Variants in TPP2 observed in about 807,000 individuals in gnomAD.
The protein encoded by TPP2 is tripeptidyl peptidase 2.
Under a neutral mutation model 155.9 loss-of-function variants are expected in TPP2, and 34 were observed. The ratio of observed to expected loss-of-function variants is 0.22; its 90% confidence interval spans 0.17 to 0.29. The LOEUF is 0.29. TPP2 is among the 10% of genes least tolerant of loss of function. The probability of loss-of-function intolerance (pLI) is 1.00; values close to 1 mark genes in which losing one functional copy is unlikely to be tolerated. For missense variants in TPP2, 1,028 were observed against 1,522.3 expected (o/e 0.68, Z 5.40); for synonymous variants, 510 against 529.4 (o/e 0.96, Z 0.50).
chr13:102,607,091 A>G (rs1010018339), intron 2 of TPP2, among the ~76,000 whole-genome samples: 1 of 152,226 alleles, frequency 6.6e-6, no homozygotes, highest in African/African-American at 2.4e-5. Flanking sequence ...TCTGTAAGCC[A>G]GGAAGAGGGC....
At chr13:102,675,109 A>C (rs1422934744) in intron 28 of TPP2, among the ~76,000 whole-genome samples, 1 of 152,204 alleles carries the variant, frequency 6.6e-6, no homozygotes, top group Non-Finnish European at 1.5e-5. Context: ...AAGTAAATGG[A>C]GTCAGTAGGA....
chr13:102,630,061 GTTTTC>G, intron 9 of TPP2, 30 bp from the exon 10 acceptor site: 1 of 1,585,260 alleles, frequency 6.3e-7, no homozygotes, highest in Non-Finnish European at 8.6e-7. Flanking sequence ...ATCCCCGTTT[GTTTTC>G]TTTTCTTAAT....
At chr13:102,630,572 A>T (rs977138483) in intron 10 of TPP2, among the ~76,000 whole-genome samples, 1 of 152,180 alleles carries the variant, frequency 6.6e-6, no homozygotes, top group Admixed American at 6.5e-5. Flanking sequence ...ATAAAGCATC[A>T]CAGTCATAGG....
chr13:102,672,231 C>G (rs1194468196), intron 27 of TPP2, among the ~76,000 whole-genome samples: 2 of 152,122 alleles, frequency 1.3e-5, no homozygotes, highest in Non-Finnish European at 2.9e-5. Flanking sequence ...TCCCCCTAAG[C>G]CAGTGATGCT....
intron 24 of TPP2, among the ~76,000 whole-genome samples, chr13:102,652,446 ATATAT>A (rs1883578474): frequency 9.7e-5 from 5 of 51,434 alleles, no homozygotes; most frequent in Admixed American, 1.8e-4. Context: ...ATATATATAT[ATATAT>A]ATAAAAGGGA....
At chr13:102,660,937 A>G (rs1300158767) in intron 25 of TPP2, among the ~76,000 whole-genome samples, 4 of 152,220 alleles carry the variant, frequency 2.6e-5, no homozygotes, top group South Asian at 4.1e-4. Context: ...GGATAGCCAT[A>G]TAGAAAAAGA....
At chr13:102,602,378 A>T (rs1329033875) in intron 1 of TPP2, among the ~76,000 whole-genome samples, 1 of 151,732 alleles carries the variant, frequency 6.6e-6, no homozygotes, top group East Asian at 1.9e-4. Context: ...TCCCACAGTG[A>T]TTTTTTTTAA....
intron 12 of TPP2, among the ~76,000 whole-genome samples, 174 bp from the exon 13 acceptor site, chr13:102,636,050 T>G (rs1351005624): frequency 6.6e-6 from 1 of 152,174 alleles, no homozygotes; most frequent in Non-Finnish European, 1.5e-5. Flanking sequence ...GTGACTGGTG[T>G]TGTTTCTAAA....
intron 16 of TPP2, among the ~76,000 whole-genome samples, chr13:102,640,587 T>C (rs1010058238): frequency 3.3e-5 from 5 of 151,876 alleles, no homozygotes; most frequent in Non-Finnish European, 7.4e-5. Context: ...TCTTAAGATG[T>C]TTTTAATATT....
At chr13:102,614,615 T>G (rs956041524) in intron 3 of TPP2, among the ~76,000 whole-genome samples, 3 of 152,050 alleles carry the variant, frequency 2.0e-5, no homozygotes, top group African/African-American at 7.3e-5. Context: ...TTAACTAGCC[T>G]TCTTGCTCCC....
intron 7 of TPP2, among the ~76,000 whole-genome samples, chr13:102,627,609 T>G (rs1434198786): frequency 6.6e-6 from 1 of 151,520 alleles, no homozygotes; most frequent in Non-Finnish European, 1.5e-5. Context: ...CCCCACTCTT[T>G]TCTAGAAATG....
At chr13:102,618,946 C>T (rs533971673) in intron 5 of TPP2, 100 bp downstream of exon 5, 167 of 1,382,842 alleles carry the variant, frequency 1.2e-4, no homozygotes, top group Non-Finnish European at 1.4e-4. Context: ...TTGGTTTATT[C>T]GTGATATCAC....
intron 27 of TPP2, among the ~76,000 whole-genome samples, chr13:102,666,581 G>A (rs983527647): frequency 5.3e-5 from 8 of 151,910 alleles, no homozygotes; most frequent in African/African-American, 4.8e-5. Flanking sequence ...TCTAGCTTTT[G>A]TTATTTTTTA....
intron 12 of TPP2, 127 bp from the exon 13 acceptor site, chr13:102,636,097 G>A: frequency 1.1e-6 from 1 of 898,292 alleles, no homozygotes; most frequent in Non-Finnish European, 1.7e-6. Flanking sequence ...GTACTAGGTA[G>A]TTTTGAGAGG....
At chr13:102,671,126 A>G (rs1259783535) in intron 27 of TPP2, among the ~76,000 whole-genome samples, 3 of 152,148 alleles carry the variant, frequency 2.0e-5, no homozygotes, top group Admixed American at 2.0e-4. Context: ...TTTAAACACA[A>G]ATTTTTCTCT....
At position 102,648,927 on chromosome 13, in the gene TPP2, A is replaced by G. The variant is rs1243674562; in HGVS notation, c.2649A>G (p.Lys883=). Residue 883 remains lysine, a synonymous_variant, in exon 22 of 30, where the codon AAA becomes AAG. Transcript: ENST00000376052. The part of the protein sequence containing the change: ...YPHQYSLKLE[K]GDYTIRLQIR... The stretch of plus-strand genomic sequence containing the variant: ...TTCAGTATTCTTTGAAACTGGAGAA[A>G]GGAGATTATACAATTCGACTACAGA... 6.3e-7 allele frequency: 1 copy of G among 1,596,750 alleles called. No individual in the cohort carries two copies. The highest frequency in any genetic ancestry group is 8.5e-7 in the Non-Finnish European group (1 of 1,175,202).
chr13:102,647,178 G>C (rs1321429644), intron 20 of TPP2, 29 bp from the exon 21 acceptor site: 6 of 1,569,256 alleles, frequency 3.8e-6, no homozygotes, highest in Non-Finnish European at 5.2e-6. Context: ...TGCAAATCAT[G>C]CCAAGTAATC....
chr13:102,676,525 C>T, intron 29 of TPP2, 110 bp downstream of exon 29: 2 of 1,283,776 alleles, frequency 1.6e-6, no homozygotes, highest in Non-Finnish European at 2.2e-6. Context: ...TTTATTGTGA[C>T]CAGTTATTAC....
Position 102,643,466 on chromosome 13 carries a change from T to C in TPP2, c.2175+90T>C. ...TAAGTATTTGCATTTGATTTTATAG[T>C]TTGTATTTAGCATGTTGGGATTATA... On this transcript the variant is annotated intron_variant, in intron 17 of 29. Coordinates refer to ENST00000376052, the MANE Select transcript of TPP2 (RefSeq NM_001330588.2). 6 of 1,229,710 alleles carry C rather than the reference T, an allele frequency of 4.9e-6. No homozygotes were observed. The South Asian group carries it at 1.5e-4, about 31-fold the overall frequency. The allele number at this position is 1,229,710 out of a possible 1,614,324, so 76.2% of individuals were successfully genotyped here. A position where few individuals can be genotyped will look rare whatever the true frequency, so the allele number is the denominator to read the frequency against.
Sources: allele counts gnomAD v4.1 joint callset (sites outside exome capture counted in the v4.1 genomes callset), GRCh38; gene constraint gnomAD v4.1.1; transcripts MANE v1.5; gene names NCBI Gene and HGNC (gene_info 2026-07-23, HGNC 2026-07-21).